The following HSPA4 variants were observed in gnomAD, a reference collection of about 807,000 sequenced individuals.
HSPA4 encodes heat shock 70 kDa protein 4.
In HSPA4, 25 loss-of-function variants were observed where a neutral mutation model predicts 106.2. The observed-to-expected ratio is 0.24, with a 90% CI of 0.17 to 0.33. The LOEUF (loss-of-function observed/expected upper bound fraction) is 0.33. Among genes scored for constraint, HSPA4 ranks in the 10% least tolerant of loss-of-function variants. The pLI is 1.00. For synonymous variants in HSPA4, 332 were observed against 333.6 expected, an observed-to-expected ratio of 1.00 and a Z score of 0.05; for missense variants, 841 against 996.0, an observed-to-expected ratio of 0.84 and a Z score of 2.10.
At chr5:133,065,940 T>C (rs1300650817) in intron 2 of HSPA4, among the ~76,000 whole-genome samples, 1 of 152,172 alleles carries the variant, frequency 6.6e-6, no homozygotes, top group Non-Finnish European at 1.5e-5. Context: ...TGTTTTTGAA[T>C]GGGGCAGGGC....
intron 2 of HSPA4, among the ~76,000 whole-genome samples, 168 bp downstream of exon 2, chr5:133,065,205 A>G (rs554555001): frequency 1.3e-5 from 2 of 152,308 alleles, no homozygotes; most frequent in South Asian, 4.1e-4. Flanking sequence ...TCAGAATTCC[A>G]TGGGTTCTGC....
intron 2 of HSPA4, among the ~76,000 whole-genome samples, chr5:133,067,008 G>A (rs1399629255): frequency 2.0e-5 from 3 of 151,990 alleles, no homozygotes; most frequent in Admixed American, 1.3e-4. Context: ...CATGACACCC[G>A]GCCTTAACTA....
chr5:133,086,437 G>A (rs62375239), intron 7 of HSPA4, among the ~76,000 whole-genome samples: 6,984 of 152,156 alleles, frequency 0.046, 192 homozygotes, highest in Non-Finnish European at 0.063. Context: ...CATTTGTATC[G>A]CTTTATACAG....
chr5:133,097,377 A>G, intron 15 of HSPA4, 91 bp downstream of exon 15: 1 of 1,100,454 alleles, frequency 9.1e-7, no homozygotes, highest in Non-Finnish European at 1.3e-6. Context: ...ATATGTGTAT[A>G]GTAGAATTAT....
At chr5:133,097,545 TTTTC>T (rs1333552177) in intron 15 of HSPA4, among the ~76,000 whole-genome samples, 140 of 143,310 alleles carry the variant, frequency 9.8e-4, no homozygotes, top group African/African-American at 3.4e-3. Flanking sequence ...CTTTCTTTTC[TTTTC>T]TTTTTTTTTT....
chr5:133,060,962 G>T (rs929143663), intron 1 of HSPA4, among the ~76,000 whole-genome samples: 1 of 151,132 alleles, frequency 6.6e-6, no homozygotes, highest in African/African-American at 2.4e-5. Flanking sequence ...AATTTAAATA[G>T]CCACATGTGG....
chr5:133,070,355 C>G lies in HSPA4; in HGVS notation c.307-19C>G. The stretch of plus-strand genomic sequence containing the variant: ...AAAGAAATATAATAAGTCTAGGCCC[C>G]TTTGTTGTTTTCTTGCAGGTGACAT... On this transcript the variant is annotated intron_variant, in intron 3 of 18. Transcript: ENST00000304858. 6.2e-7 allele frequency: 1 copy of G among 1,605,582 alleles called. No individual in the cohort carries two copies. The highest frequency in any genetic ancestry group is 1.1e-5 in the South Asian group (1 of 89,538).
At chr5:133,093,061 C>T (rs1425962862) in intron 13 of HSPA4, among the ~76,000 whole-genome samples, 1 of 150,616 alleles carries the variant, frequency 6.6e-6, no homozygotes, top group African/African-American at 2.4e-5. Flanking sequence ...GAACTTCTGA[C>T]CTCAGGTGAT....
intron 9 of HSPA4, 44 bp downstream of exon 9, chr5:133,088,599 T>A: frequency 6.5e-7 from 1 of 1,532,604 alleles, no homozygotes; most frequent in Non-Finnish European, 9.0e-7. Context: ...TAAATCATTG[T>A]AACAAGATGG....
At chr5:133,077,223 C>T (rs1273760911) in intron 7 of HSPA4, among the ~76,000 whole-genome samples, 2 of 152,050 alleles carry the variant, frequency 1.3e-5, no homozygotes, top group African/African-American at 4.8e-5. Context: ...ATTTAATTTA[C>T]CCAGTGACTA....
intron 6 of HSPA4, among the ~76,000 whole-genome samples, chr5:133,076,384 T>A (rs573564979): frequency 6.6e-6 from 1 of 152,356 alleles, no homozygotes; most frequent in South Asian, 2.1e-4. Context: ...GATTTGGCTT[T>A]GAATTCCACT....
At position 133,104,030 on chromosome 5, in the gene HSPA4, A is replaced by T; in HGVS notation, c.2319+4A>T. 6.2e-7 allele frequency: 1 copy of T among 1,607,154 alleles called. No homozygotes were observed. The highest frequency in any genetic ancestry group is 1.3e-5 in the African/African-American group (1 of 74,554). On this transcript the variant is annotated splice_donor_region_variant and intron_variant, in intron 18 of 18. Coordinates refer to ENST00000304858, the MANE Select transcript of HSPA4 (RefSeq NM_002154.4). ...AGAGATTGAAGCTAAAATTAAGGTA[A>T]TTTAAGACTTTTTTTTAATAGTCTT... is the stretch of plus-strand genomic sequence containing the variant.
chr5:133,054,896 C>T (rs557546768), intron 1 of HSPA4, among the ~76,000 whole-genome samples: 1 of 152,302 alleles, frequency 6.6e-6, no homozygotes, highest in East Asian at 1.9e-4. Context: ...TGTGATTGAA[C>T]ACGCTTTAGT....
At chr5:133,056,838 C>G (rs1765171395) in intron 1 of HSPA4, among the ~76,000 whole-genome samples, 1 of 152,096 alleles carries the variant, frequency 6.6e-6, no homozygotes, top group African/African-American at 2.4e-5. Flanking sequence ...GATTTCTCTA[C>G]TTCATTGGAG....
At chr5:133,087,600 A>C (rs2126710003) in intron 8 of HSPA4, among the ~76,000 whole-genome samples, 1 of 152,244 alleles carries the variant, frequency 6.6e-6, no homozygotes, top group Admixed American at 6.5e-5. Context: ...ATACGAAGAA[A>C]CTGTACCTGT....
intron 2 of HSPA4, 51 bp from the exon 3 acceptor site, chr5:133,067,365 TA>T (rs11448270): frequency 3.1e-3 from 4,151 of 1,329,214 alleles, no homozygotes; most frequent in South Asian, 4.7e-3. Context: ...GCTGTTGAAA[TA>T]AAAAAAAAAT....
chr5:133,062,907 C>G (rs567902481), intron 1 of HSPA4, among the ~76,000 whole-genome samples: 1 of 152,270 alleles, frequency 6.6e-6, no homozygotes, highest in East Asian at 1.9e-4. Context: ...GTTTATGTTT[C>G]TACCAAATCA....
intron 4 of HSPA4, 64 bp from the exon 5 acceptor site, chr5:133,073,165 TC>T (rs1765405643): frequency 2.1e-6 from 2 of 943,856 alleles, no homozygotes; most frequent in African/African-American, 1.7e-5. Context: ...TTGATGGTGT[TC>T]CTGGATTTTA....
chr5:133,079,398 C>A (rs898055285), intron 7 of HSPA4, among the ~76,000 whole-genome samples: 1 of 152,174 alleles, frequency 6.6e-6, no homozygotes, highest in Non-Finnish European at 1.5e-5. Context: ...ATGTAATATG[C>A]GTCTGGCTTC....
Sources: gnomAD v4.1 joint callset for allele counts (sites outside exome capture counted in the v4.1 genomes callset) on GRCh38, gnomAD v4.1.1 for gene constraint, MANE v1.5 for transcripts, NCBI Gene and HGNC (gene_info 2026-07-23, HGNC 2026-07-21) for gene names.